Variants in PRPF6 observed in about 807,000 individuals in gnomAD.
PRPF6 encodes pre-mRNA-processing factor 6.
PRPF6 carries 42 observed loss-of-function variants against 118.3 expected under a neutral mutation model. The observed-to-expected ratio is 0.35, with a 90% CI of 0.28 to 0.46. The LOEUF (loss-of-function observed/expected upper bound fraction) is 0.46, where lower values mean the gene tolerates loss of function less well. Among genes scored for constraint, PRPF6 ranks in the 20% least tolerant of loss-of-function variants. PRPF6 has a pLI of 1.00. For synonymous variants in PRPF6, 481 were observed against 485.1 expected (o/e 0.99, Z 0.11); for missense variants, 662 against 1,255.7 (o/e 0.53, Z 7.15).
chr20:64,032,445 C>T lies in PRPF6; in HGVS notation c.2674-396C>T, dbSNP rs1025968308. ...GGGCAGCAGCCCCTCTGCTCCCACCCGCCCCGCTAGAGCCAAGCGTTGTCT... is the reference window on the plus strand; with the variant it reads ...GGGCAGCAGCCCCTCTGCTCCCACCTGCCCCGCTAGAGCCAAGCGTTGTCT... On this transcript the variant is annotated intron_variant, in intron 20 of 20. Transcript: ENST00000266079. 3.9e-5 allele frequency among the ~76,000 whole-genome samples: 6 copies of T among 152,336 alleles called. No homozygotes were observed. In the East Asian group the frequency reaches 5.8e-4, roughly 15 times the overall value.
chr20:64,000,671 C>G lies in PRPF6; in HGVS notation c.1024-406C>G, dbSNP rs564914957. Reference sequence around the variant, plus strand: ...GCAACCTCTGCCTCCCGGGTTCAAGCAATTCTCCTGCCTCAGCCTCCTGAG... The same window carrying G: ...GCAACCTCTGCCTCCCGGGTTCAAGGAATTCTCCTGCCTCAGCCTCCTGAG... On this transcript the variant is annotated intron_variant, in intron 8 of 20. Transcript: ENST00000266079. Among the ~76,000 whole-genome samples, 5 of 151,770 alleles carry G rather than the reference C, an allele frequency of 3.3e-5. No individual in the cohort carries two copies. The East Asian group carries it at 9.8e-4, about 30-fold the overall frequency.
intron 12 of PRPF6, among the ~76,000 whole-genome samples, chr20:64,022,388 A>G (rs1365611583): frequency 6.6e-6 from 1 of 152,086 alleles, no homozygotes; most frequent in African/African-American, 2.4e-5. Flanking sequence ...GCTCACTGCA[A>G]CCTTTGCCTT....
intron 9 of PRPF6, among the ~76,000 whole-genome samples, chr20:64,004,511 C>G (rs972413799): frequency 6.6e-6 from 1 of 152,196 alleles, no homozygotes; most frequent in African/African-American, 2.4e-5. Flanking sequence ...AGGACACCTG[C>G]CAGCCAGGGA....
intron 6 of PRPF6, among the ~76,000 whole-genome samples, chr20:63,997,913 CTT>C (rs546741100): frequency 6.6e-6 from 1 of 151,914 alleles, no homozygotes; most frequent in Non-Finnish European, 1.5e-5. Context: ...AGACTTGACT[CTT>C]TGGTGTGTGT....
At chr20:64,014,913 C>T (rs115774241) in intron 11 of PRPF6, among the ~76,000 whole-genome samples, 2,249 of 152,206 alleles carry the variant, frequency 0.015, 54 homozygotes, top group African/African-American at 0.052. Context: ...TTGCATCGTC[C>T]GACACCGTGA....
intron 20 of PRPF6, 28 bp downstream of exon 20, chr20:64,032,072 A>C (rs1190975719): frequency 1.2e-6 from 2 of 1,613,440 alleles, no homozygotes; most frequent in South Asian, 2.2e-5. Flanking sequence ...ACCGCCGCTC[A>C]GTGCCTTCTG....
chr20:63,983,868 G>T (rs944213103), intron 2 of PRPF6, among the ~76,000 whole-genome samples: 2 of 152,078 alleles, frequency 1.3e-5, no homozygotes, highest in African/African-American at 4.8e-5. Flanking sequence ...GGTCAGGCTG[G>T]TCTCGAACTC....
Position 64,026,181 on chromosome 20 carries a change from C to T in PRPF6, c.2028+123C>T. The T allele has an allele frequency of 1.3e-6, 2 of 1,493,644 alleles. No individual in the cohort carries two copies. Among genetic ancestry groups the T allele is most frequent in the Non-Finnish European group, 1.8e-6 (2 of 1,104,156 alleles). 92.5% of individuals were successfully genotyped at this position (1,493,644 alleles called of 1,614,324 possible). On this transcript the variant is annotated intron_variant, in intron 15 of 20. Transcript: ENST00000266079. The surrounding 1 kb of genome is among the most constrained non-coding windows in gnomAD (Gnocchi z 4.4). Reference sequence around the variant, plus strand: ...CAGGCAAACGAGACCACAGCACACTCATCTTTGTGATGTGACTAAAACATT... The same window carrying T: ...CAGGCAAACGAGACCACAGCACACTTATCTTTGTGATGTGACTAAAACATT...
intron 14 of PRPF6, among the ~76,000 whole-genome samples, chr20:64,025,316 C>T (rs921812332): frequency 2.6e-5 from 4 of 152,166 alleles, no homozygotes; most frequent in African/African-American, 4.8e-5. Context: ...CTGCCTGTCA[C>T]GTGGCTTCCT....
chr20:63,986,647 C>G (rs1487738729), intron 3 of PRPF6, among the ~76,000 whole-genome samples: 1 of 151,394 alleles, frequency 6.6e-6, no homozygotes, highest in Non-Finnish European at 1.5e-5. Context: ...CGCCACCACG[C>G]CTGGCTAATT....
At chr20:64,013,411 C>A (rs1035222090) in intron 11 of PRPF6, among the ~76,000 whole-genome samples, 1 of 151,480 alleles carries the variant, frequency 6.6e-6, no homozygotes, top group African/African-American at 2.4e-5. Context: ...GACAGTTTGT[C>A]TTTCTTTCCT....
At chr20:64,020,382 C>T (rs2059257307) in intron 12 of PRPF6, among the ~76,000 whole-genome samples, 2 of 152,126 alleles carry the variant, frequency 1.3e-5, no homozygotes, top group African/African-American at 4.8e-5. Flanking sequence ...CGCCACTGCA[C>T]TCCAGCCTGG....
chr20:64,015,973 T>C (rs2059235578), intron 11 of PRPF6, among the ~76,000 whole-genome samples: 2 of 152,080 alleles, frequency 1.3e-5, no homozygotes, highest in African/African-American at 4.8e-5. Flanking sequence ...TGAAACATAA[T>C]GTACCATTGA....
At chr20:63,983,378 A>G (rs1327237092) in intron 2 of PRPF6, among the ~76,000 whole-genome samples, 163 bp downstream of exon 2, 2 of 152,214 alleles carry the variant, frequency 1.3e-5, no homozygotes, top group Non-Finnish European at 2.9e-5. Flanking sequence ...GGAGCAGGAA[A>G]AACACGGAGA....
At chr20:64,031,686 A>AG (rs2059314607) in intron 19 of PRPF6, among the ~76,000 whole-genome samples, 1 of 150,258 alleles carries the variant, frequency 6.7e-6, no homozygotes, top group Non-Finnish European at 1.5e-5. Flanking sequence ...AAAAAAAAAA[A>AG]AAAAACAACA....
intron 4 of PRPF6, 79 bp downstream of exon 4, chr20:63,993,564 G>C: frequency 8.2e-7 from 1 of 1,222,416 alleles, no homozygotes; most frequent in Non-Finnish European, 1.2e-6. Flanking sequence ...CTGCTCTTAC[G>C]TGGAATTTAT....
chr20:64,016,892 T>A, intron 12 of PRPF6, 47 bp downstream of exon 12: 6 of 1,612,620 alleles, frequency 3.7e-6, no homozygotes, highest in Non-Finnish European at 5.1e-6. Context: ...AGTCTCTGCT[T>A]GTGGGAACAG....
At chr20:64,019,938 G>T (rs1016079122) in intron 12 of PRPF6, among the ~76,000 whole-genome samples, 1 of 152,224 alleles carries the variant, frequency 6.6e-6, no homozygotes, top group Admixed American at 6.5e-5. Context: ...CCTTCCTCTC[G>T]TAGAAGGCAG....
At chr20:64,005,830 A>G (rs1264205223) in intron 9 of PRPF6, among the ~76,000 whole-genome samples, 2 of 151,894 alleles carry the variant, frequency 1.3e-5, no homozygotes, top group Non-Finnish European at 2.9e-5. Flanking sequence ...AACCTCCCAG[A>G]CTCAAACTAT....
Sources: allele counts gnomAD v4.1 joint callset (sites outside exome capture counted in the v4.1 genomes callset), GRCh38; gene constraint gnomAD v4.1.1; non-coding constraint Gnocchi (gnomAD v3.1); transcripts MANE v1.5; gene names NCBI Gene and HGNC (gene_info 2026-07-23, HGNC 2026-07-21).